DIAPH2: variants seen among roughly 807,000 people sequenced by gnomAD.
The protein encoded by DIAPH2 is diaphanous related formin 2.
DIAPH2 carries 35 observed loss-of-function variants against 92.7 expected under a neutral mutation model. The observed-to-expected ratio is 0.38, with a 90% confidence interval of 0.29 to 0.50. The LOEUF (loss-of-function observed/expected upper bound fraction) is 0.50, where lower values mean the gene tolerates loss of function less well. Ranked by LOEUF, DIAPH2 falls within the 20% of genes least tolerant of loss-of-function variation. The pLI, the probability that DIAPH2 is intolerant of heterozygous loss-of-function variation, is 0.94. For missense variants in DIAPH2, 701 were observed against 819.5 expected (o/e 0.86, Z 1.77); for synonymous variants, 301 against 280.4 (o/e 1.07, Z -0.73).
intron 26 of DIAPH2, among the ~76,000 whole-genome samples, chrX:97,457,457 A>T (rs1354297515): frequency 8.9e-6 from 1 of 112,746 alleles, no homozygotes; most frequent in African/African-American, 3.2e-5. Flanking sequence ...ATAACAAGTT[A>T]CCTTTAAAAC....
chrX:96,714,244 G>A (rs767701367), intron 1 of DIAPH2, among the ~76,000 whole-genome samples: 2 of 106,891 alleles, frequency 1.9e-5, no homozygotes, highest in South Asian at 4.2e-4. Flanking sequence ...TTTATAGCAC[G>A]TATCATAAGT....
intron 21 of DIAPH2, among the ~76,000 whole-genome samples, chrX:97,134,976 A>G (rs2067160473): frequency 2.7e-5 from 3 of 111,678 alleles, no homozygotes; most frequent in Non-Finnish European, 3.8e-5. Context: ...ACCAAAGATT[A>G]ACATCAAGTC....
chrX:96,825,423 T>C (rs2147681754), intron 4 of DIAPH2, among the ~76,000 whole-genome samples: 1 of 107,676 alleles, frequency 9.3e-6, no homozygotes, highest in East Asian at 2.9e-4. Flanking sequence ...ACTATGTATA[T>C]CTTCATGGAG....
At chrX:97,570,075 A>T (rs1180946449) in intron 26 of DIAPH2, among the ~76,000 whole-genome samples, 3 of 12,098 alleles carry the variant, frequency 2.5e-4, no homozygotes, top group African/African-American at 7.8e-4. Context: ...AAGGCCTTCT[A>T]ATATATATAT....
intron 23 of DIAPH2, among the ~76,000 whole-genome samples, chrX:97,316,485 C>CAA (rs55897560): frequency 5.1e-5 from 3 of 59,304 alleles, no homozygotes; most frequent in African/African-American, 1.9e-4. Flanking sequence ...ACTAAAAATA[C>CAA]AAAAAAAAAA....
intron 23 of DIAPH2, among the ~76,000 whole-genome samples, chrX:97,276,234 C>T (rs2147594534): frequency 9.0e-6 from 1 of 111,661 alleles, no homozygotes; most frequent in African/African-American, 3.2e-5. Context: ...GCAGTACAGT[C>T]CAGCTTCGGC....
intron 4 of DIAPH2, among the ~76,000 whole-genome samples, chrX:96,805,378 A>G (rs948764005): frequency 1.8e-5 from 2 of 110,745 alleles, no homozygotes; most frequent in African/African-American, 6.6e-5. Flanking sequence ...ACTTGAGCAA[A>G]GATGGGAACA....
In DIAPH2 at chrX:97,256,789, C is replaced by T. The variant is rs778006183; in HGVS notation, c.2844+8950C>T. On this transcript the variant is annotated intron_variant, in intron 23 of 26. Transcript: ENST00000324765. ...AAGTGATTCTTCTGCCTCAGCCTCC[C>T]GAGTAGCTGGGACTACAGGTGCATA... Among the ~76,000 whole-genome samples, 9 of 111,180 alleles carry T rather than the reference C, an allele frequency of 8.1e-5. No homozygotes were observed. In the East Asian group the frequency reaches 8.5e-4, roughly 10 times the overall value.
At chrX:97,373,331 G>A (rs1436078070) in intron 24 of DIAPH2, among the ~76,000 whole-genome samples, 2 of 110,077 alleles carry the variant, frequency 1.8e-5, no homozygotes, top group African/African-American at 6.6e-5. Context: ...AATATGAGGT[G>A]CGTAGGGAAC....
intron 22 of DIAPH2, among the ~76,000 whole-genome samples, chrX:97,207,870 G>C (rs941070387): frequency 1.3e-4 from 15 of 111,292 alleles, no homozygotes; most frequent in Non-Finnish European, 2.3e-4. Flanking sequence ...AGAGTGAACC[G>C]GGGCCAGGTG....
intron 15 of DIAPH2, 137 bp downstream of exon 15, chrX:96,949,176 C>T: frequency 2.7e-6 from 1 of 364,781 alleles, no homozygotes; most frequent in Non-Finnish European, 4.8e-6. Context: ...AATAACTATA[C>T]AGATTTTATA....
At chrX:97,176,191 C>G (rs1261160536) in intron 22 of DIAPH2, among the ~76,000 whole-genome samples, 1 of 112,238 alleles carries the variant, frequency 8.9e-6, no homozygotes, top group Non-Finnish European at 1.9e-5. Flanking sequence ...ACTCTCAAAA[C>G]ATTGTTCTTA....
chrX:97,593,753 A>G (rs6523097), intron 26 of DIAPH2, among the ~76,000 whole-genome samples: 49,100 of 110,144 alleles, frequency 0.45, 8,501 homozygotes, highest in Non-Finnish European at 0.55. Context: ...TATCCCTAAC[A>G]TGTACCATTT....
At chrX:97,329,891 GACACACACAC>G (rs201851023) in intron 23 of DIAPH2, among the ~76,000 whole-genome samples, 33,563 of 79,210 alleles carry the variant, frequency 0.42, 6,572 homozygotes, top group Non-Finnish European at 0.55. Context: ...TGCATTCTTA[GACACACACAC>G]ACACACACAC....
At chrX:96,924,926 G>A (rs2065570288) in intron 9 of DIAPH2, among the ~76,000 whole-genome samples, 1 of 110,955 alleles carries the variant, frequency 9.0e-6, no homozygotes, top group South Asian at 3.9e-4. Flanking sequence ...ATTTGAGTGG[G>A]GATACAAATC....
rs1383171225 is a variant in DIAPH2 at position 97,300,857 on chromosome X, G to A, written c.2845-47259G>A. On this transcript the variant is annotated intron_variant, in intron 23 of 26. Coordinates refer to ENST00000324765, the MANE Select transcript of DIAPH2 (RefSeq NM_006729.5). ...TGAGGCAGGAGAATGGCGTGAACCC[G>A]GGAGGCGGAGGTTGCTGTGAGCCGA... 1.1e-4 allele frequency among the ~76,000 whole-genome samples: 11 copies of A among 96,249 alleles called. No homozygotes were observed. The East Asian group carries it at 2.6e-3, about 23-fold the overall frequency. 83.6% of individuals were successfully genotyped at this position (96,249 alleles called of 115,157 possible).
intron 16 of DIAPH2, among the ~76,000 whole-genome samples, chrX:96,959,195 G>T (rs756414605): frequency 1.8e-5 from 2 of 111,330 alleles, no homozygotes; most frequent in Non-Finnish European, 3.8e-5. Flanking sequence ...ATATTTTTGA[G>T]AAATCTTTAT....
At chrX:97,106,892 A>G (rs1255799227) in intron 20 of DIAPH2, among the ~76,000 whole-genome samples, 1 of 112,116 alleles carries the variant, frequency 8.9e-6, no homozygotes, top group East Asian at 2.8e-4. Context: ...AGATTGTGCC[A>G]CTGCACTCCA....
chrX:97,286,008 C>A (rs1306930089), intron 23 of DIAPH2, among the ~76,000 whole-genome samples: 5 of 105,186 alleles, frequency 4.8e-5, no homozygotes, highest in South Asian at 4.3e-4. Flanking sequence ...TCTAAAGTTT[C>A]TGTGAGTTGC....
Sources: allele counts gnomAD v4.1 joint callset (sites outside exome capture counted in the v4.1 genomes callset), GRCh38; gene constraint gnomAD v4.1.1; transcripts MANE v1.5; gene names NCBI Gene and HGNC (gene_info 2026-07-23, HGNC 2026-07-21).